KALRN: variants seen among roughly 807,000 people sequenced by gnomAD.
KALRN encodes the protein kalirin RhoGEF kinase, also known as kalirin.
KALRN carries 70 observed loss-of-function variants against 353.7 expected under a neutral mutation model. That is an observed-to-expected ratio of 0.20 (90% CI 0.16 to 0.24). The LOEUF (loss-of-function observed/expected upper bound fraction) is 0.24, where lower values mean the gene tolerates loss of function less well. Among genes scored for constraint, KALRN ranks in the 10% least tolerant of loss-of-function variants. KALRN has a pLI of 1.00. For synonymous variants in KALRN, 1,391 were observed against 1,434.8 expected (o/e 0.97, Z 0.69); for missense variants, 2,791 against 3,756.7 (o/e 0.74, Z 6.72).
intron 3 of KALRN, among the ~76,000 whole-genome samples, chr3:124,255,260 T>C (rs2071782044): frequency 6.6e-6 from 1 of 152,162 alleles, no homozygotes; most frequent in African/African-American, 2.4e-5. Context: ...ATTTTTTTAG[T>C]GTTCCCCTAA....
rs56085806 is a variant in KALRN at position 124,674,533 on chromosome 3, C to T, written c.7112C>T (p.Ala2371Val). The T allele has an allele frequency of 8.1e-5, 131 of 1,613,632 alleles. No homozygotes were observed. The highest frequency in any genetic ancestry group is 1.0e-4 in the Non-Finnish European group (119 of 1,179,876). ...VYQPASDHSPAAEGWVPGSIL... is the reference protein window; with the variant it reads ...VYQPASDHSPVAEGWVPGSIL... ...CAGCCTGCCAGCGACCATTCCCCCG[C>T]CGCCGAGGGCTGGGTCCCAGGCAGC... Residue 2371 changes from alanine (A) to valine (V), a missense_variant, in exon 49 of 60, where the codon GCC (alanine) becomes GTC (valine). Physicochemically the swap from Ala to Val is moderately conservative, Grantham distance 64. Transcript: ENST00000682506.
intron 5 of KALRN, among the ~76,000 whole-genome samples, chr3:124,271,698 A>G (rs2074183892): frequency 6.6e-6 from 1 of 152,092 alleles, no homozygotes; most frequent in Admixed American, 6.5e-5. Flanking sequence ...TTCTGCTACC[A>G]CTGAACACCA....
chr3:124,163,858 C>G (rs1416292713), intron 1 of KALRN: 4 of 985,348 alleles, frequency 4.1e-6, no homozygotes, highest in Non-Finnish European at 4.8e-6. Context: ...GCTTTCACCT[C>G]TGCATGACCA....
intron 1 of KALRN, among the ~76,000 whole-genome samples, chr3:124,227,571 A>T (rs1302951404): frequency 6.7e-6 from 1 of 149,074 alleles, no homozygotes; most frequent in Non-Finnish European, 1.5e-5. Flanking sequence ...CTGAGTGCTG[A>T]GTATGTTCAA....
chr3:124,645,033 A>G (rs1450091718), intron 37 of KALRN, among the ~76,000 whole-genome samples: 1 of 152,104 alleles, frequency 6.6e-6, no homozygotes, highest in Non-Finnish European at 1.5e-5. Context: ...CTGGCGTGAG[A>G]TGGTATCTTA....
chr3:124,447,900 A>G (rs1186424309), intron 21 of KALRN, among the ~76,000 whole-genome samples: 1 of 152,338 alleles, frequency 6.6e-6, no homozygotes, highest in Non-Finnish European at 1.5e-5. Flanking sequence ...CACAGATAAG[A>G]GACTCATTTC....
At chr3:124,328,729 A>G (rs2080189942) in intron 7 of KALRN, among the ~76,000 whole-genome samples, 2 of 152,214 alleles carry the variant, frequency 1.3e-5, no homozygotes, top group Non-Finnish European at 2.9e-5. Flanking sequence ...TAGAACGCAA[A>G]CGGTTGCTGT....
At chr3:124,061,997 A>G (rs939959079) in intron 1 of KALRN, among the ~76,000 whole-genome samples, 1 of 152,216 alleles carries the variant, frequency 6.6e-6, no homozygotes, top group Non-Finnish European at 1.5e-5. Context: ...AAGCAAGGGC[A>G]TCACCTGGGA....
At chr3:124,701,239 T>C (rs1030412862) in intron 56 of KALRN, among the ~76,000 whole-genome samples, 15 of 152,186 alleles carry the variant, frequency 9.9e-5, no homozygotes, top group Non-Finnish European at 1.9e-4. Context: ...TGCCAAGGAA[T>C]TGACACATCA....
intron 9 of KALRN, among the ~76,000 whole-genome samples, chr3:124,341,877 A>G (rs768947172): frequency 6.6e-6 from 1 of 152,200 alleles, no homozygotes; most frequent in Non-Finnish European, 1.5e-5. Context: ...GGCAGAGCTT[A>G]AAGGATAAGT....
Position 124,496,390 on chromosome 3 carries a change from C to G in KALRN, c.4912C>G (p.Gln1638Glu). 6.2e-7 allele frequency: 1 copy of G among 1,613,476 alleles called. No homozygotes were observed. The highest frequency in any genetic ancestry group is 8.5e-7 in the Non-Finnish European group (1 of 1,179,634). Reference protein sequence around the residue: ...DTISIASRTSQNTVDSDKLSG... With the variant: ...DTISIASRTSENTVDSDKLSG... ...CATCTCCATTGCTTCTAGGACCTCT[C>G]AGAACACAGTGGACAGTGACAAGGT... Residue 1638 changes from glutamine (Q) to glutamate (E), a missense_variant, in exon 33 of 60, where the codon CAG becomes GAG. Physicochemically the swap from Gln to Glu is conservative, Grantham distance 29 (BLOSUM62 2). Transcript: ENST00000682506.
intron 39 of KALRN, among the ~76,000 whole-genome samples, chr3:124,656,640 C>CA (rs56184947): frequency 6.6e-6 from 1 of 151,586 alleles, no homozygotes; most frequent in African/African-American, 2.4e-5. Context: ...AAAAATAAAA[C>CA]AAAAAAATAA....
intron 1 of KALRN, among the ~76,000 whole-genome samples, chr3:124,195,390 G>A (rs1403663158): frequency 6.6e-6 from 1 of 152,178 alleles, no homozygotes; most frequent in Non-Finnish European, 1.5e-5. Flanking sequence ...GCATGTACAA[G>A]TACTTTGTTA....
At chr3:124,563,251 G>C (rs888047020) in intron 34 of KALRN, among the ~76,000 whole-genome samples, 162 bp downstream of exon 34, 12 of 152,204 alleles carry the variant, frequency 7.9e-5, no homozygotes, top group African/African-American at 2.9e-4. Context: ...TTGGGAACTT[G>C]GAGAGGAAGA....
chr3:124,100,355 C>T (rs1157827783), intron 1 of KALRN: 1 of 152,078 alleles, frequency 6.6e-6, no homozygotes, highest in Non-Finnish European at 1.5e-5. Context: ...TTGATTGTTT[C>T]CCTTGCTGTG....
At chr3:124,196,928 G>A (rs1414498125) in intron 1 of KALRN, among the ~76,000 whole-genome samples, 4 of 152,168 alleles carry the variant, frequency 2.6e-5, no homozygotes, top group Admixed American at 2.6e-4. Context: ...TACAGATGAG[G>A]AAATGGAGGC....
intron 1 of KALRN, among the ~76,000 whole-genome samples, chr3:124,208,080 G>C (rs1021460887): frequency 6.6e-6 from 1 of 152,184 alleles, no homozygotes; most frequent in African/African-American, 2.4e-5. Flanking sequence ...GAACTACTAA[G>C]TCAGCCCACA....
At chr3:124,574,918 A>G (rs1463723727) in intron 34 of KALRN, among the ~76,000 whole-genome samples, 1 of 152,220 alleles carries the variant, frequency 6.6e-6, no homozygotes, top group African/African-American at 2.4e-5. Context: ...AGGATTCTGC[A>G]GGACAGAGCA....
intron 33 of KALRN, among the ~76,000 whole-genome samples, chr3:124,521,473 C>T (rs932629171): frequency 3.3e-5 from 5 of 152,136 alleles, no homozygotes; most frequent in Non-Finnish European, 7.4e-5. Context: ...AGAATAAAGA[C>T]TAGAACTCAG....
Sources: allele counts gnomAD v4.1 joint callset (sites outside exome capture counted in the v4.1 genomes callset), GRCh38; gene constraint gnomAD v4.1.1; transcripts MANE v1.5; gene names NCBI Gene and HGNC (gene_info 2026-07-23, HGNC 2026-07-21).